CCDC197: variants seen among roughly 807,000 people sequenced by gnomAD.
CCDC197 encodes the protein coiled-coil domain containing 197.
In CCDC197, 24 loss-of-function variants were observed where a neutral mutation model predicts 13.4. That is an observed-to-expected ratio of 1.80 (90% CI 1.30 to 2.53). CCDC197 has a LOEUF of 2.53. Ranked by LOEUF, CCDC197 falls within the 30% of genes most tolerant of loss-of-function variation. CCDC197 has a pLI of 0.00. For missense variants in CCDC197, 255 were observed against 148.8 expected (o/e 1.71, Z -3.71); for synonymous variants, 99 against 55.5 (o/e 1.78, Z -3.48).
At chr14:93,988,375 G>C (rs1203290035) in intron 1 of CCDC197, among the ~76,000 whole-genome samples, 1 of 109,542 alleles carries the variant, frequency 9.1e-6, no homozygotes, top group Admixed American at 8.9e-5. Context: ...ATGGGAGAGA[G>C]GACAAGAGAG....
upstream of CCDC197, among the ~76,000 whole-genome samples, chr14:93,996,694 C>T (rs1028769575): frequency 3.9e-5 from 6 of 152,192 alleles, no homozygotes; most frequent in Non-Finnish European, 7.4e-5. Context: ...CAGCTCTGAG[C>T]CAATGGAAGC....
At chr14:93,992,891 C>T (rs1890235071), upstream of CCDC197, among the ~76,000 whole-genome samples, 1 of 152,074 alleles carries the variant, frequency 6.6e-6, no homozygotes, top group South Asian at 2.1e-4. Context: ...GGAGGTGGGG[C>T]CCCAGCACAG....
chr14:94,000,965 G>C (rs1890477731), intron 3 of CCDC197, 180 bp from the exon 4 acceptor site: 1 of 414,154 alleles, frequency 2.4e-6, no homozygotes, highest in South Asian at 4.1e-5. Context: ...GGGGCGGGAG[G>C]GCGGGGGGGC....
intron 3 of CCDC197, among the ~76,000 whole-genome samples, chr14:93,999,887 C>T (rs1446351046): frequency 6.6e-6 from 1 of 152,210 alleles, no homozygotes; most frequent in Admixed American, 6.5e-5. Flanking sequence ...TGGCCTCTGG[C>T]AAGTTCTCAA....
At chr14:94,010,119 A>G (rs1275751684), downstream of CCDC197, among the ~76,000 whole-genome samples, 1 of 152,188 alleles carries the variant, frequency 6.6e-6, no homozygotes, top group Non-Finnish European at 1.5e-5. Context: ...GGAGTTAAAT[A>G]GGAAAGATAC....
chr14:94,003,322 G>T lies in CCDC197; in HGVS notation c.466G>T (p.Asp156Tyr). Residue 156 changes from aspartate to tyrosine, a missense_variant, in exon 5 of 7, where the codon GAC (aspartate) becomes TAC (tyrosine). By Grantham distance (160) the Asp-to-Tyr change is radical. Transcript: ENST00000636493. This position sits in a 1 kb window ranked among gnomAD's most constrained non-coding sequence, Gnocchi z 5.0. ...KHSITYQKDI[D>Y]FDTHTSSSYN... ...CAGCATCACTTACCAGAAGGACATTGACTTTGACACACACACCAGCAGCAG... is the reference window on the plus strand; with the variant it reads ...CAGCATCACTTACCAGAAGGACATTTACTTTGACACACACACCAGCAGCAG... The T allele has an allele frequency of 3.0e-6, 2 of 666,934 alleles. No homozygotes were observed. The highest frequency in any genetic ancestry group is 1.4e-5 in the South Asian group (1 of 73,124). 41.3% of individuals were successfully genotyped at this position (666,934 alleles called of 1,614,324 possible).
chr14:93,999,515 G>A (rs565393657), intron 2 of CCDC197, 68 bp from the exon 3 acceptor site: 6 of 772,218 alleles, frequency 7.8e-6, no homozygotes, highest in South Asian at 6.8e-5. Flanking sequence ...GGTGGTCCAG[G>A]TTCATTCACA....
intron 1 of CCDC197, among the ~76,000 whole-genome samples, chr14:93,991,981 C>A (rs1200389947): frequency 6.6e-6 from 1 of 152,240 alleles, no homozygotes; most frequent in African/African-American, 2.4e-5. Context: ...GTAGCCAGCT[C>A]AGACCAGCTC....
rs1890577054 is a variant in CCDC197 at position 94,003,129 on chromosome 14, T to A, written c.367-94T>A. 2 of 679,472 alleles carry A rather than the reference T, an allele frequency of 2.9e-6. No individual in the cohort carries two copies. The highest frequency in any genetic ancestry group is 2.6e-5 in the East Asian group (1 of 39,130). The allele number at this position is 679,472 out of a possible 1,614,324, so 42.1% of individuals were successfully genotyped here. On this transcript the variant is annotated intron_variant, in intron 4 of 6. Transcript: ENST00000636493. The surrounding 1 kb of genome is among the most constrained non-coding windows in gnomAD (Gnocchi z 5.0). ...CACCCACAAGTATTCCTTCCTCCTA[T>A]CCTGTCATTGCACAGACCACCCTGG... is the stretch of plus-strand genomic sequence containing the variant.
chr14:93,995,366 C>T (rs1412546587), upstream of CCDC197, among the ~76,000 whole-genome samples: 2 of 152,140 alleles, frequency 1.3e-5, no homozygotes, highest in African/African-American at 4.8e-5. Context: ...TGGGGTTGTA[C>T]CAGTTATAGG....
chr14:94,000,388 CACTGT>C (rs771395671), intron 3 of CCDC197, among the ~76,000 whole-genome samples: 70 of 152,116 alleles, frequency 4.6e-4, no homozygotes, highest in Non-Finnish European at 9.0e-4. Flanking sequence ...ACTTCATAGC[CACTGT>C]ACTAAGTGCT....
chr14:93,992,790 G>C (rs970867121), upstream of CCDC197, among the ~76,000 whole-genome samples: 2 of 152,208 alleles, frequency 1.3e-5, no homozygotes, highest in Non-Finnish European at 2.9e-5. Flanking sequence ...TGATTCCCCA[G>C]CTCTGGGACC....
At chr14:94,008,231 G>A (rs1890739713) in intron 6 of CCDC197, among the ~76,000 whole-genome samples, 2 of 152,324 alleles carry the variant, frequency 1.3e-5, no homozygotes, top group African/African-American at 2.4e-5. Flanking sequence ...CATTCTGCTA[G>A]GCAACAGGAG....
At chr14:94,005,235 A>G (rs745307992) in intron 6 of CCDC197, among the ~76,000 whole-genome samples, 1 of 152,210 alleles carries the variant, frequency 6.6e-6, no homozygotes, top group Non-Finnish European at 1.5e-5. Flanking sequence ...CCACACTGAC[A>G]CATCACACAC....
upstream of CCDC197, among the ~76,000 whole-genome samples, chr14:93,994,728 A>G (rs1890254267): frequency 6.6e-6 from 1 of 152,232 alleles, no homozygotes; most frequent in Non-Finnish European, 1.5e-5. Context: ...TCTAGGAAGA[A>G]AAGTCCTGGA....
chr14:93,988,452 G>GC (rs1890143269), intron 1 of CCDC197, among the ~76,000 whole-genome samples: 1 of 61,672 alleles, frequency 1.6e-5, no homozygotes, highest in Non-Finnish European at 3.1e-5. Context: ...GGGAGGAGGA[G>GC]ATGGGAGGAG....
At chr14:93,989,505 G>A (rs780809506) in intron 1 of CCDC197, among the ~76,000 whole-genome samples, 2 of 152,120 alleles carry the variant, frequency 1.3e-5, no homozygotes, top group African/African-American at 2.4e-5. Context: ...GCACATGGAT[G>A]GCCTTTCTCC....
chr14:93,989,045 G>A (rs1196126841), intron 1 of CCDC197, among the ~76,000 whole-genome samples: 1 of 152,006 alleles, frequency 6.6e-6, no homozygotes, highest in African/African-American at 2.4e-5. Flanking sequence ...CAAAGAGATT[G>A]TGTAAACTGC....
chr14:94,006,608 C>T (rs901171368), intron 6 of CCDC197, among the ~76,000 whole-genome samples: 9 of 152,014 alleles, frequency 5.9e-5, no homozygotes, highest in Non-Finnish European at 8.8e-5. Context: ...CCACCCGCCT[C>T]GGCCTCCCAA....
Sources: allele counts gnomAD v4.1 joint callset (sites outside exome capture counted in the v4.1 genomes callset), GRCh38; gene constraint gnomAD v4.1.1; non-coding constraint Gnocchi (gnomAD v3.1); transcripts MANE v1.5; gene names NCBI Gene and HGNC (gene_info 2026-07-23, HGNC 2026-07-21).